UNC13C: variants seen among roughly 807,000 people sequenced by gnomAD.
UNC13C encodes unc-13 homolog C.
UNC13C carries 174 observed loss-of-function variants against 245.4 expected under a neutral mutation model. That is an observed-to-expected ratio of 0.71 (90% CI 0.63 to 0.80). The LOEUF (loss-of-function observed/expected upper bound fraction) is 0.80, where lower values mean the gene tolerates loss of function less well. Among genes scored for constraint, UNC13C ranks in the 30% least tolerant of loss-of-function variants. UNC13C has a pLI of 0.00. For synonymous variants in UNC13C, 992 were observed against 895.1 expected, an observed-to-expected ratio of 1.11 and a Z score of -1.93; for missense variants, 2,829 against 2,602.9, an observed-to-expected ratio of 1.09 and a Z score of -1.89.
At chr15:54,480,224 A>G (rs4774695) in intron 19 of UNC13C, among the ~76,000 whole-genome samples, 62,565 of 151,634 alleles carry the variant, frequency 0.41, 13,190 homozygotes, top group East Asian at 0.62. Context: ...TGTAAGACTT[A>G]AGAAGCCTTC....
intron 26 of UNC13C, among the ~76,000 whole-genome samples, chr15:54,540,966 CTT>C (rs1312619229): frequency 6.6e-6 from 1 of 151,974 alleles, no homozygotes; most frequent in African/African-American, 2.4e-5. Flanking sequence ...TGTGGATAGC[CTT>C]TGTTATTCTG....
At chr15:54,222,115 A>G (rs939926211) in intron 4 of UNC13C, among the ~76,000 whole-genome samples, 1 of 152,106 alleles carries the variant, frequency 6.6e-6, no homozygotes, top group African/African-American at 2.4e-5. Flanking sequence ...CAATTCGATC[A>G]TACTATATTA....
chr15:54,296,721 A>G (rs1039827035), intron 11 of UNC13C, among the ~76,000 whole-genome samples: 35 of 152,186 alleles, frequency 2.3e-4, no homozygotes, highest in African/African-American at 8.4e-4. Flanking sequence ...AGATACAGCT[A>G]TGTTTAGAAA....
chr15:54,326,316 A>C (rs1474722686), intron 14 of UNC13C, among the ~76,000 whole-genome samples: 2 of 152,066 alleles, frequency 1.3e-5, no homozygotes, highest in Non-Finnish European at 2.9e-5. Flanking sequence ...AGGGGAATAC[A>C]AAAAAGAATG....
At chr15:53,923,115 C>T in the UNC13C span, among the ~76,000 whole-genome samples, 2 of 152,286 alleles carry the variant, frequency 1.3e-5, no homozygotes, top group East Asian at 3.9e-4. Context: ...CTACCCTTTC[C>T]ATTCCTTGTT....
At chr15:54,492,152 G>A (rs939062947) in intron 19 of UNC13C, among the ~76,000 whole-genome samples, 2 of 152,034 alleles carry the variant, frequency 1.3e-5, no homozygotes, top group South Asian at 2.1e-4. Context: ...AAAGGTTGCC[G>A]TATTCCAAAC....
At chr15:54,275,898 GAT>G (rs2036820600) in intron 10 of UNC13C, among the ~76,000 whole-genome samples, 2 of 152,100 alleles carry the variant, frequency 1.3e-5, no homozygotes, top group South Asian at 4.1e-4. Flanking sequence ...TAGGTGAATA[GAT>G]ATAAGTCGTG....
chr15:54,321,914 A>G (rs748570843), intron 13 of UNC13C, 25 bp from the exon 14 acceptor site: 2 of 1,544,914 alleles, frequency 1.3e-6, no homozygotes, highest in Non-Finnish European at 1.7e-6. Context: ...TGTCTTAAAA[A>G]CACTTTATGT....
At position 54,595,881 on chromosome 15, in the gene UNC13C, T is replaced by C. The variant is rs1045114446; in HGVS notation, c.6107-26446T>C. Among the ~76,000 whole-genome samples, 4 of 152,222 alleles carry C rather than the reference T, an allele frequency of 2.6e-5. No homozygotes were observed. The South Asian group carries it at 8.3e-4, about 32-fold the overall frequency. On this transcript the variant is annotated intron_variant, in intron 30 of 32. Transcript: ENST00000260323. ...GAAATGTAGCCAAATAATTGAAAAGTAATTTTCCATTCATTATACTAGTTA... is the reference window on the plus strand; with the variant it reads ...GAAATGTAGCCAAATAATTGAAAAGCAATTTTCCATTCATTATACTAGTTA...
chr15:54,330,719 G>C lies in UNC13C; in HGVS notation c.4426-1324G>C, dbSNP rs1425037899. On this transcript the variant is annotated intron_variant, in intron 14 of 32. Coordinates refer to ENST00000260323, the MANE Select transcript of UNC13C (RefSeq NM_001080534.3). Reference sequence around the variant, plus strand: ...AACCCAAATGCATGGAAGTTGGAGAGTTAAGAAAGGACTGTATAGCTTGCC... The same window carrying C: ...AACCCAAATGCATGGAAGTTGGAGACTTAAGAAAGGACTGTATAGCTTGCC... Among the ~76,000 whole-genome samples the C allele has an allele frequency of 2.0e-5, 3 of 152,072 alleles. No individual in the cohort carries two copies. The East Asian group carries it at 5.8e-4, about 29-fold the overall frequency.
the UNC13C span, among the ~76,000 whole-genome samples, chr15:53,965,355 T>C: frequency 6.6e-6 from 1 of 152,066 alleles, no homozygotes; most frequent in Non-Finnish European, 1.5e-5. Context: ...TTGAACTCTT[T>C]TTAAACACAG....
At chr15:54,086,737 CTTTTT>C (rs57209912) in intron 2 of UNC13C, among the ~76,000 whole-genome samples, 2 of 92,008 alleles carry the variant, frequency 2.2e-5, no homozygotes, top group African/African-American at 3.7e-5. Context: ...TATTTTCTTT[CTTTTT>C]TTTTTTTTTT....
At chr15:54,541,600 A>C (rs1308773989) in intron 26 of UNC13C, among the ~76,000 whole-genome samples, 1 of 152,172 alleles carries the variant, frequency 6.6e-6, no homozygotes, top group Non-Finnish European at 1.5e-5. Context: ...GGCTGGATTT[A>C]GAAGAGTCAA....
chr15:53,881,073 G>A, the UNC13C span, among the ~76,000 whole-genome samples: 1 of 152,152 alleles, frequency 6.6e-6, no homozygotes, highest in African/African-American at 2.4e-5. Context: ...GTGTGTGTGA[G>A]CCACAGAAAG....
intron 2 of UNC13C, chr15:54,049,891 A>T (rs142168072): frequency 4.3e-6 from 1 of 233,646 alleles, no homozygotes; most frequent in African/African-American, 2.4e-5. Flanking sequence ...TCACCAGCAG[A>T]TAAGATTATT....
At chr15:54,589,566 G>T (rs1898671971) in intron 30 of UNC13C, among the ~76,000 whole-genome samples, 1 of 151,794 alleles carries the variant, frequency 6.6e-6, no homozygotes, top group Non-Finnish European at 1.5e-5. Context: ...CAAAGTGCTG[G>T]GATTACAGGC....
chr15:54,425,176 C>G (rs1036165124), intron 19 of UNC13C, among the ~76,000 whole-genome samples: 2 of 151,772 alleles, frequency 1.3e-5, no homozygotes, highest in African/African-American at 4.8e-5. Context: ...AGTACCATCA[C>G]TAGAATGAGT....
At chr15:54,461,887 A>G (rs1434960541) in intron 19 of UNC13C, among the ~76,000 whole-genome samples, 1 of 152,170 alleles carries the variant, frequency 6.6e-6, no homozygotes, top group Non-Finnish European at 1.5e-5. Context: ...AAAGAAGAAT[A>G]CTGGTATGAA....
At chr15:54,560,092 A>G (rs774644259) in intron 29 of UNC13C, among the ~76,000 whole-genome samples, 4 of 152,020 alleles carry the variant, frequency 2.6e-5, no homozygotes, top group African/African-American at 4.8e-5. Flanking sequence ...CTAACCTCTA[A>G]AATTATAAAG....
Sources: allele counts gnomAD v4.1 joint callset (sites outside exome capture counted in the v4.1 genomes callset), GRCh38; gene constraint gnomAD v4.1.1; transcripts MANE v1.5; gene names NCBI Gene and HGNC (gene_info 2026-07-23, HGNC 2026-07-21).